Variants in STK3 observed in about 807,000 individuals in gnomAD.
The protein encoded by STK3 is serine/threonine-protein kinase 3.
STK3 carries 41 observed loss-of-function variants against 58.0 expected under a neutral mutation model. The ratio of observed to expected loss-of-function variants is 0.71; its 90% CI spans 0.55 to 0.92. The LOEUF is 0.92. Among genes scored for constraint, STK3 ranks in the 40% least tolerant of loss-of-function variants. The pLI, the probability that STK3 is intolerant of heterozygous loss-of-function variation, is 0.00. For missense variants in STK3, 479 were observed against 602.7 expected, an observed-to-expected ratio of 0.79 and a Z score of 2.15; for synonymous variants, 170 against 191.0, an observed-to-expected ratio of 0.89 and a Z score of 0.91.
intron 1 of STK3, among the ~76,000 whole-genome samples, chr8:98,914,394 C>A (rs1465826936): frequency 6.6e-6 from 1 of 151,574 alleles, no homozygotes; most frequent in Non-Finnish European, 1.5e-5. Flanking sequence ...GGCAACAGAG[C>A]AAGACCCTGT....
chr8:98,604,174 C>A (rs1816592272), intron 6 of STK3, among the ~76,000 whole-genome samples: 1 of 152,220 alleles, frequency 6.6e-6, no homozygotes. Context: ...GAAACAAATT[C>A]TCTCTGAGAT....
At chr8:98,765,553 A>G (rs953263898) in intron 3 of STK3, among the ~76,000 whole-genome samples, 2 of 152,190 alleles carry the variant, frequency 1.3e-5, no homozygotes, top group Non-Finnish European at 2.9e-5. Flanking sequence ...AAGTCACACG[A>G]GACAATTTTT....
At chr8:98,620,097 A>C (rs1587048261) in intron 6 of STK3, among the ~76,000 whole-genome samples, 1 of 68,250 alleles carries the variant, frequency 1.5e-5, no homozygotes, top group Non-Finnish European at 2.8e-5. Flanking sequence ...CTGGATTAAG[A>C]AAATGTGGCA....
chr8:98,689,098 ACAG>A (rs1468395937), intron 6 of STK3, among the ~76,000 whole-genome samples: 10 of 152,358 alleles, frequency 6.6e-5, no homozygotes, highest in African/African-American at 2.2e-4. Flanking sequence ...CCACAGAAAT[ACAG>A]CAGATGTTCA....
intron 3 of STK3, among the ~76,000 whole-genome samples, chr8:98,845,573 C>T (rs138656887): frequency 8.0e-4 from 122 of 152,296 alleles, no homozygotes; most frequent in African/African-American, 2.8e-3. Flanking sequence ...CTGAAAGTAA[C>T]CATTTTTCCA....
At chr8:98,363,812 C>T in the STK3 span, among the ~76,000 whole-genome samples, 2 of 152,138 alleles carry the variant, frequency 1.3e-5, no homozygotes, top group South Asian at 4.1e-4. Context: ...GATGTCACCG[C>T]GGAGATTTCA....
chr8:98,863,621 A>C (rs1236439577), intron 3 of STK3, among the ~76,000 whole-genome samples: 1 of 152,196 alleles, frequency 6.6e-6, no homozygotes, highest in Non-Finnish European at 1.5e-5. Context: ...GCTATAAAAC[A>C]ACCAGTATAC....
In STK3 at chr8:98,774,612, C is replaced by T. The variant is rs181691321; in HGVS notation, c.107+127G>A. 11 of 602,382 alleles carry T rather than the reference C, an allele frequency of 1.8e-5. No individual in the cohort carries two copies. The African/African-American group carries it at 2.1e-4, about 12-fold the overall frequency. The allele number at this position is 602,382 out of a possible 1,614,324, so 37.3% of individuals were successfully genotyped here. On this transcript the variant is annotated intron_variant, in intron 2 of 10. Coordinates refer to ENST00000419617, the MANE Select transcript of STK3 (RefSeq NM_006281.4). ...ATCTTTAAAATTCAGTATCACCTGC[C>T]AAGTTTAATTACTATTAAATACTAT... is the stretch of plus-strand genomic sequence containing the variant.
intron 6 of STK3, among the ~76,000 whole-genome samples, chr8:98,619,708 T>A (rs1430477969): frequency 7.0e-6 from 1 of 143,202 alleles, no homozygotes; most frequent in Non-Finnish European, 1.5e-5. Flanking sequence ...AAAAAATACA[T>A]GAAAAAATGC....
At chr8:98,622,986 A>G (rs1482354783) in intron 6 of STK3, among the ~76,000 whole-genome samples, 1 of 152,212 alleles carries the variant, frequency 6.6e-6, no homozygotes, top group Non-Finnish European at 1.5e-5. Flanking sequence ...CATACCGATA[A>G]AAGAAAACCC....
chr8:98,666,580 A>G (rs1219191700), intron 6 of STK3, among the ~76,000 whole-genome samples: 1 of 152,208 alleles, frequency 6.6e-6, no homozygotes, highest in African/African-American at 2.4e-5. Flanking sequence ...CCAATTCTTT[A>G]AAAGTAAACC....
intron 8 of STK3, among the ~76,000 whole-genome samples, chr8:98,562,637 A>G (rs1458076852): frequency 6.6e-6 from 1 of 150,976 alleles, no homozygotes; most frequent in Non-Finnish European, 1.5e-5. Context: ...AAAACTTTAC[A>G]TCATAAAGAG....
chr8:98,803,453 G>GC (rs1157885676), intron 1 of STK3, among the ~76,000 whole-genome samples: 1 of 151,750 alleles, frequency 6.6e-6, no homozygotes, highest in Non-Finnish European at 1.5e-5. Context: ...AATTAGCCGG[G>GC]CATGGTAGGG....
chr8:98,774,701 T>C, intron 2 of STK3, 38 bp downstream of exon 2: 1 of 1,397,750 alleles, frequency 7.2e-7, no homozygotes, highest in Non-Finnish European at 9.8e-7. Context: ...TAAATTGTTC[T>C]GAAATTATTT....
At chr8:98,832,653 C>T (rs1431804707) in intron 3 of STK3, among the ~76,000 whole-genome samples, 1 of 152,068 alleles carries the variant, frequency 6.6e-6, no homozygotes, top group African/African-American at 2.4e-5. Context: ...CCTGTCATGG[C>T]TGGGAATTTA....
intron 6 of STK3, among the ~76,000 whole-genome samples, chr8:98,671,257 A>G (rs1054507763): frequency 6.6e-6 from 1 of 152,182 alleles, no homozygotes; most frequent in African/African-American, 2.4e-5. Flanking sequence ...TTGTAAATAG[A>G]AGGGCTAACT....
intron 4 of STK3, among the ~76,000 whole-genome samples, chr8:98,744,139 T>C (rs1480164700): frequency 6.6e-6 from 1 of 152,202 alleles, no homozygotes; most frequent in Non-Finnish European, 1.5e-5. Context: ...GATGGGAATG[T>C]AAACTAGTTC....
chr8:98,897,161 C>T (rs1027357801), intron 1 of STK3, among the ~76,000 whole-genome samples: 1 of 152,204 alleles, frequency 6.6e-6, no homozygotes, highest in Non-Finnish European at 1.5e-5. Context: ...CAATCGATCC[C>T]AATCCATCAG....
At chr8:98,762,102 A>C (rs980968919) in intron 3 of STK3, among the ~76,000 whole-genome samples, 2 of 152,168 alleles carry the variant, frequency 1.3e-5, no homozygotes, top group African/African-American at 4.8e-5. Context: ...ATGAGGTGTT[A>C]GATATCTCTT....
Sources: allele counts gnomAD v4.1 joint callset (sites outside exome capture counted in the v4.1 genomes callset), GRCh38; gene constraint gnomAD v4.1.1; transcripts MANE v1.5; gene names NCBI Gene and HGNC (gene_info 2026-07-23, HGNC 2026-07-21).